Variants in TUSC3 observed in about 807,000 individuals in gnomAD.
The protein encoded by TUSC3 is dolichyl-diphosphooligosaccharide--protein glycosyltransferase subunit TUSC3.
Under a neutral mutation model 44.8 loss-of-function variants are expected in TUSC3, and 45 were observed. The ratio of observed to expected loss-of-function variants is 1.00; its 90% CI spans 0.79 to 1.29. The LOEUF (loss-of-function observed/expected upper bound fraction) is 1.29, where lower values mean the gene tolerates loss of function less well. Ranked by LOEUF, TUSC3 falls within the 50% of genes most tolerant of loss-of-function variation. The pLI, the probability that TUSC3 is intolerant of heterozygous loss-of-function variation, is 0.00. For synonymous variants in TUSC3, 212 were observed against 152.9 expected (o/e 1.39, Z -2.85); for missense variants, 519 against 437.9 (o/e 1.19, Z -1.65).
intron 6 of TUSC3, among the ~76,000 whole-genome samples, chr8:15,681,184 A>T: frequency 7.1e-6 from 1 of 140,964 alleles, no homozygotes; most frequent in East Asian, 2.1e-4. Flanking sequence ...CTTCTTTATT[A>T]TCCATCTTGA....
At chr8:15,750,440 AT>A (rs1204925400) in intron 9 of TUSC3, among the ~76,000 whole-genome samples, 4 of 152,134 alleles carry the variant, frequency 2.6e-5, no homozygotes, top group African/African-American at 7.2e-5. Flanking sequence ...GGAGAAAAAA[AT>A]ATTTTACTAG....
At position 15,546,891 on chromosome 8, in the gene TUSC3, G is replaced by A. The variant is rs558362376; in HGVS notation, c.138+6323G>A. ...TATCTGTTTGCCTGCCTGCCTGCCT[G>A]CCTCCCAGTTGGCCTGTCTCTATTT... On this transcript the variant is annotated intron_variant, in intron 1 of 10. Coordinates refer to ENST00000503731, the MANE Select transcript of TUSC3 (RefSeq NM_006765.4). 1.1e-4 allele frequency among the ~76,000 whole-genome samples: 17 copies of A among 151,692 alleles called. No individual in the cohort carries two copies. The South Asian group carries it at 2.1e-3, about 19-fold the overall frequency.
intron 1 of TUSC3, among the ~76,000 whole-genome samples, chr8:15,572,377 T>A (rs540022891): frequency 6.6e-6 from 1 of 152,296 alleles, no homozygotes; most frequent in South Asian, 2.1e-4. Context: ...TCAGCCTTCA[T>A]TGGATTGAAG....
chr8:15,700,018 T>G (rs1809328497), intron 6 of TUSC3, among the ~76,000 whole-genome samples: 2 of 152,172 alleles, frequency 1.3e-5, no homozygotes, highest in Non-Finnish European at 1.5e-5. Context: ...ATTATCTACA[T>G]TTGAATAGAA....
intron 1 of TUSC3, among the ~76,000 whole-genome samples, chr8:15,601,593 T>G (rs1421851137): frequency 6.6e-6 from 1 of 151,736 alleles, no homozygotes; most frequent in Non-Finnish European, 1.5e-5. Context: ...CATAATTATT[T>G]ATATTTAAAT....
chr8:15,687,371 T>G (rs1009182076), intron 6 of TUSC3, among the ~76,000 whole-genome samples: 5 of 152,186 alleles, frequency 3.3e-5, no homozygotes, highest in South Asian at 2.1e-4. Context: ...TGCAATTGTT[T>G]TAGAATTTTG....
rs193127327 is a variant in TUSC3, at chr8:15,682,681, C to T, written c.798+8845C>T. Among the ~76,000 whole-genome samples the T allele has an allele frequency of 1.4e-3, 216 of 152,184 alleles. 1 individual carries two copies. Among genetic ancestry groups the T allele is most frequent in the African/African-American group, 5.0e-3 (209 of 41,540 alleles). ...TTGATATGTGAAGTTTTCTTCCTAT[C>T]GTGGTGGTGTTAGCTGGGTTAACTT... On this transcript the variant is annotated intron_variant, in intron 6 of 10. Coordinates refer to ENST00000503731, the MANE Select transcript of TUSC3 (RefSeq NM_006765.4).
chr8:15,419,898 T>C (rs1799716836), intron 1 of TUSC3, among the ~76,000 whole-genome samples: 1 of 152,206 alleles, frequency 6.6e-6, no homozygotes, highest in Admixed American at 6.5e-5. Flanking sequence ...AGTATTTGAA[T>C]TGTCTTTTAT....
At chr8:15,696,375 C>A (rs1036201813) in intron 6 of TUSC3, among the ~76,000 whole-genome samples, 1 of 152,266 alleles carries the variant, frequency 6.6e-6, no homozygotes, top group Admixed American at 6.5e-5. Flanking sequence ...GGTTTGGGAA[C>A]CTCTGTATAG....
At chr8:15,672,627 C>T (rs1238911805) in intron 5 of TUSC3, among the ~76,000 whole-genome samples, 2 of 151,972 alleles carry the variant, frequency 1.3e-5, no homozygotes, top group African/African-American at 2.4e-5. Context: ...GTCTTAAGAG[C>T]ACAGAAGGTT....
At chr8:15,837,984 G>C in the TUSC3 span, among the ~76,000 whole-genome samples, 1 of 152,178 alleles carries the variant, frequency 6.6e-6, no homozygotes, top group Non-Finnish European at 1.5e-5. Flanking sequence ...GGCAGGAACT[G>C]CAATCATGAC....
intron 5 of TUSC3, among the ~76,000 whole-genome samples, chr8:15,673,350 G>A (rs1031770312): frequency 6.6e-6 from 1 of 152,046 alleles, no homozygotes; most frequent in Non-Finnish European, 1.5e-5. Context: ...ACTAATAGAA[G>A]AATGATGTTT....
intron 1 of TUSC3, among the ~76,000 whole-genome samples, chr8:15,544,351 T>C (rs1801792548): frequency 6.6e-6 from 1 of 151,770 alleles, no homozygotes; most frequent in South Asian, 2.1e-4. Flanking sequence ...AATTCTGTAA[T>C]TATTTCCAGT....
intron 5 of TUSC3, among the ~76,000 whole-genome samples, chr8:15,670,278 A>G (rs1051336745): frequency 6.6e-6 from 1 of 151,830 alleles, no homozygotes; most frequent in African/African-American, 2.4e-5. Context: ...ATGAAGGAAG[A>G]ATAATGCTGG....
At chr8:15,449,107 G>A (rs1375696876) in intron 1 of TUSC3, among the ~76,000 whole-genome samples, 1 of 152,096 alleles carries the variant, frequency 6.6e-6, no homozygotes, top group African/African-American at 2.4e-5. Context: ...GCCTGTATAT[G>A]GTCATTCTGA....
chr8:15,638,262 A>T (rs751564355), intron 2 of TUSC3, among the ~76,000 whole-genome samples: 2 of 151,388 alleles, frequency 1.3e-5, no homozygotes, highest in African/African-American at 4.9e-5. Flanking sequence ...CTGAAGTTAT[A>T]AATGTTAATT....
chr8:15,703,685 C>G (rs951663131), intron 6 of TUSC3, among the ~76,000 whole-genome samples: 1 of 152,100 alleles, frequency 6.6e-6, no homozygotes, highest in East Asian at 1.9e-4. Context: ...AATCAAATGG[C>G]GAGTGAGAGG....
chr8:15,651,437 G>A (rs879262488), intron 3 of TUSC3, among the ~76,000 whole-genome samples: 10 of 152,270 alleles, frequency 6.6e-5, no homozygotes, highest in Non-Finnish European at 1.0e-4. Flanking sequence ...ATAAGTTGAA[G>A]CCATAGCTTC....
At chr8:15,650,903 T>C in intron 3 of TUSC3, 89 bp downstream of exon 3, 1 of 1,399,508 alleles carries the variant, frequency 7.1e-7, no homozygotes, top group East Asian at 2.3e-5. Context: ...AATTCATTCA[T>C]CGTCTGAACC....
Sources: allele counts gnomAD v4.1 joint callset (sites outside exome capture counted in the v4.1 genomes callset), GRCh38; gene constraint gnomAD v4.1.1; transcripts MANE v1.5; gene names NCBI Gene and HGNC (gene_info 2026-07-23, HGNC 2026-07-21).